NCOR2: variants seen among roughly 807,000 people sequenced by gnomAD.
The protein encoded by NCOR2 is nuclear receptor corepressor 2, also known as CTG repeat protein 26.
A neutral mutation model predicts 262.9 loss-of-function variants in NCOR2; 81 were observed. The observed-to-expected ratio is 0.31, with a 90% CI of 0.26 to 0.37. The LOEUF is 0.37. Ranked by LOEUF, NCOR2 falls within the 10% of genes least tolerant of loss-of-function variation. The pLI, the probability that NCOR2 is intolerant of heterozygous loss-of-function variation, is 1.00. For synonymous variants in NCOR2, 1,659 were observed against 1,559.3 expected, an observed-to-expected ratio of 1.06 and a Z score of -1.51; for missense variants, 3,385 against 3,621.4, an observed-to-expected ratio of 0.93 and a Z score of 1.68.
rs577512964 is a variant in NCOR2 at position 124,531,757 on chromosome 12, G to T, written c.-118+3808C>A. On this transcript the variant is annotated intron_variant, in intron 1 of 46. Coordinates refer to the NCOR2 transcript ENST00000404621. This position sits in a 1 kb window ranked among gnomAD's most constrained non-coding sequence, Gnocchi z 4.5. Reference sequence around the variant, plus strand: ...AGAGGTGAGATCCCACCGGGCCAGGGCCCTAAAACCTCCCCCTACACACCT... The same window carrying T: ...AGAGGTGAGATCCCACCGGGCCAGGTCCCTAAAACCTCCCCCTACACACCT... Among the ~76,000 whole-genome samples, 156 of 151,852 alleles carry T rather than the reference G, an allele frequency of 1.0e-3. 1 individual carries two copies. Among genetic ancestry groups the T allele is most frequent in the African/African-American group, 3.7e-3 (153 of 41,392 alleles).
At chr12:124,381,142 T>C (rs1438637717) in intron 17 of NCOR2, among the ~76,000 whole-genome samples, 1 of 152,072 alleles carries the variant, frequency 6.6e-6, no homozygotes, top group Non-Finnish European at 1.5e-5. Context: ...GATCCAGCCC[T>C]GGACCCTGCC....
intron 45 of NCOR2, 139 bp downstream of exon 47, chr12:124,327,270 A>G: frequency 1.4e-6 from 1 of 711,600 alleles, no homozygotes. Flanking sequence ...AAACTCCAGA[A>G]CGAGGTCAAA....
intron 1 of NCOR2, among the ~76,000 whole-genome samples, chr12:124,491,141 T>C (rs1433153161): frequency 6.8e-6 from 1 of 146,770 alleles, no homozygotes; most frequent in African/African-American, 2.6e-5. Flanking sequence ...TTGCATGGCC[T>C]GCAAAGCCTG....
At position 124,392,366 on chromosome 12, in the gene NCOR2, G is replaced by A. The variant is rs765992508; in HGVS notation, c.1876+5753C>T. Reference sequence around the variant, plus strand: ...CAGACTGTTTCTCACATATCCGGCCGGGAGGCCAACCAGCCCCAGACATGC... The same window carrying A: ...CAGACTGTTTCTCACATATCCGGCCAGGAGGCCAACCAGCCCCAGACATGC... On this transcript the variant is annotated intron_variant, in intron 16 of 46. Transcript: ENST00000405201. 8.5e-5 allele frequency among the ~76,000 whole-genome samples: 13 copies of A among 152,092 alleles called. 1 individual carries two copies. The highest frequency in any genetic ancestry group is 2.4e-4 in the African/African-American group (10 of 41,406).
exon 29 of NCOR2, chr12:124,348,255 G>T: frequency 6.2e-7 from 1 of 1,612,682 alleles, no homozygotes. Flanking sequence ...GCCGTCTCAT[G>T]GGGGGGTCCT....
chr12:124,422,727 A>T (rs747633432), intron 11 of NCOR2, among the ~76,000 whole-genome samples, 172 bp from the exon 14 acceptor site: 28 of 144,576 alleles, frequency 1.9e-4, no homozygotes, highest in Non-Finnish European at 3.0e-4. Context: ...GGCAGACGGG[A>T]GGGGTGGGGA....
rs1454468151 is a variant in NCOR2, at chr12:124,419,838, A to G, written c.1482+119T>C. 3 of 911,754 alleles carry G rather than the reference A, an allele frequency of 3.3e-6. No homozygotes were observed. The Admixed American group carries it at 5.4e-5, about 16-fold the overall frequency. 56.5% of individuals were successfully genotyped at this position (911,754 alleles called of 1,614,324 possible). ...CCTGCACTCACACTGCCGGTGGCCAAGCAACAACAACTCATGGAGACAGTT... is the reference window on the plus strand; with the variant it reads ...CCTGCACTCACACTGCCGGTGGCCAGGCAACAACAACTCATGGAGACAGTT... On this transcript the variant is annotated intron_variant, in intron 13 of 46. Coordinates refer to ENST00000405201, the Ensembl canonical transcript of NCOR2.
rs981529903 is a variant in NCOR2 at position 124,325,498 on chromosome 12, C to T, written c.7449G>A (p.Ala2483=). Residue 2483 remains alanine (A), a synonymous_variant, in exon 47 of 47, where the codon GCG becomes GCA. Transcript: ENST00000405201. ...GGGGGCCAGCGAGGGGCCCGCTGCC[C>T]GCGGGGAGGCCCGGTGGGGGTGGGG... The T allele has an allele frequency of 4.9e-5, 66 of 1,356,990 alleles. No homozygotes were observed. In the Admixed American group the frequency reaches 1.6e-3, roughly 33 times the overall value. 84.1% of individuals were successfully genotyped at this position (1,356,990 alleles called of 1,614,324 possible).
At chr12:124,525,694 G>T (rs2050428910) in intron 1 of NCOR2, among the ~76,000 whole-genome samples, 1 of 152,250 alleles carries the variant, frequency 6.6e-6, no homozygotes, top group Non-Finnish European at 1.5e-5. Flanking sequence ...GCTGGCTGCG[G>T]CAGTGATCGG....
At chr12:124,496,639 T>C (rs1490298303), upstream of NCOR2, among the ~76,000 whole-genome samples, 2 of 152,072 alleles carry the variant, frequency 1.3e-5, no homozygotes, top group Non-Finnish European at 2.9e-5. The surrounding 1 kb of genome is among the most constrained non-coding windows in gnomAD (Gnocchi z 4.4). Context: ...GGAGGCCTAA[T>C]GTGGAGGGGC....
At chr12:124,463,498 G>C (rs553741554) in intron 5 of NCOR2, among the ~76,000 whole-genome samples, 2 of 152,326 alleles carry the variant, frequency 1.3e-5, no homozygotes, top group African/African-American at 4.8e-5. Context: ...CAGCTCCCAG[G>C]AGGCGGGGAG....
intron 24 of NCOR2, chr12:124,355,179 G>A (rs999367967): frequency 1.6e-6 from 1 of 614,424 alleles, no homozygotes; most frequent in South Asian, 2.0e-5. Flanking sequence ...GGAAACAGGA[G>A]GTTAAGTAAC....
At chr12:124,498,404 G>T (rs987034819), upstream of NCOR2, among the ~76,000 whole-genome samples, 1 of 152,064 alleles carries the variant, frequency 6.6e-6, no homozygotes, top group Admixed American at 6.5e-5. Context: ...CTGGAACCTC[G>T]GCCCCTCACC....
At chr12:124,563,793 C>T (rs891624297) in intron 1 of NCOR2, among the ~76,000 whole-genome samples, 1 of 152,236 alleles carries the variant, frequency 6.6e-6, no homozygotes, top group African/African-American at 2.4e-5. Context: ...CAGTCTCCTG[C>T]CCCACCTGGG....
At position 124,378,469 on chromosome 12, in the gene NCOR2, T is replaced by C. The variant is rs1262490091; in HGVS notation, c.2020-85A>G. ...CCCATGCCTGGGGCCTCGCCGCAGGTGCAAAGGGCAGTGATCCCGGCCATG... is the reference window on the plus strand; with the variant it reads ...CCCATGCCTGGGGCCTCGCCGCAGGCGCAAAGGGCAGTGATCCCGGCCATG... On this transcript the variant is annotated intron_variant, in intron 17 of 46. Transcript: ENST00000405201. This position sits in a 1 kb window ranked among gnomAD's most constrained non-coding sequence, Gnocchi z 4.2. The C allele has an allele frequency of 7.3e-7, 1 of 1,370,204 alleles. No homozygotes were observed. Among genetic ancestry groups the C allele is most frequent in the Non-Finnish European group, 9.8e-7 (1 of 1,020,050 alleles). 84.9% of individuals were successfully genotyped at this position (1,370,204 alleles called of 1,614,324 possible).
At chr12:124,345,659 C>T (rs963737204) in intron 31 of NCOR2, among the ~76,000 whole-genome samples, 6 of 152,226 alleles carry the variant, frequency 3.9e-5, no homozygotes, top group African/African-American at 1.4e-4. Flanking sequence ...AGAATCTGGA[C>T]CCTGTCTTGG....
At chr12:124,474,056 C>T (rs1272751352) in intron 3 of NCOR2, among the ~76,000 whole-genome samples, 3 of 152,226 alleles carry the variant, frequency 2.0e-5, no homozygotes, top group African/African-American at 4.8e-5. Flanking sequence ...TCCCTGTTCG[C>T]GTAACACACC....
intron 16 of NCOR2, chr12:124,388,859 C>A: frequency 3.8e-6 from 4 of 1,049,228 alleles, no homozygotes; most frequent in South Asian, 1.4e-5. Context: ...CTTCTCCGTC[C>A]CACGGTGAGG....
chr12:124,345,160 C>A (rs2036809289), intron 31 of NCOR2, among the ~76,000 whole-genome samples: 1 of 152,190 alleles, frequency 6.6e-6, no homozygotes, highest in South Asian at 2.1e-4. Flanking sequence ...TGACCCTGGT[C>A]CCCACGCTCC....
Sources: allele counts gnomAD v4.1 joint callset (sites outside exome capture counted in the v4.1 genomes callset), GRCh38; gene constraint gnomAD v4.1.1; non-coding constraint Gnocchi (gnomAD v3.1); transcripts MANE v1.5; gene names NCBI Gene and HGNC (gene_info 2026-07-23, HGNC 2026-07-21).